The following SHISAL2A variants were observed in gnomAD, a reference collection of about 807,000 sequenced individuals.
SHISAL2A encodes shisa like 2A.
Under a neutral mutation model 11.5 loss-of-function variants are expected in SHISAL2A, and 18 were observed. The observed-to-expected ratio is 1.57, with a 90% CI of 1.08 to 2.33. The LOEUF is 2.33. Among genes scored for constraint, SHISAL2A ranks in the 30% most tolerant of loss-of-function variants. The pLI, the probability that SHISAL2A is intolerant of heterozygous loss-of-function variation, is 0.00. For synonymous variants in SHISAL2A, 94 were observed against 99.6 expected (o/e 0.94, Z 0.34); for missense variants, 261 against 250.9 (o/e 1.04, Z -0.27).
chr1:52,662,598 A>C (rs1469992939), intron 4 of SHISAL2A, among the ~76,000 whole-genome samples: 1 of 149,164 alleles, frequency 6.7e-6, no homozygotes, highest in African/African-American at 2.5e-5. Flanking sequence ...TGATCTGCCC[A>C]CTTAGGCCTC....
chr1:52,648,642 C>G (rs1318756939), intron 2 of SHISAL2A, among the ~76,000 whole-genome samples: 1 of 152,140 alleles, frequency 6.6e-6, no homozygotes, highest in Non-Finnish European at 1.5e-5. Context: ...CTCATTATAA[C>G]CCAGTTTACA....
At chr1:52,662,947 G>A (rs765893514) in intron 4 of SHISAL2A, among the ~76,000 whole-genome samples, 3 of 152,322 alleles carry the variant, frequency 2.0e-5, no homozygotes, top group South Asian at 2.1e-4. Flanking sequence ...AGCACAGAGG[G>A]CTGCTGTCGT....
chr1:52,644,971 T>A (rs1191798166), intron 2 of SHISAL2A, among the ~76,000 whole-genome samples: 7 of 147,554 alleles, frequency 4.7e-5, no homozygotes, highest in Admixed American at 1.4e-4. Context: ...GAGCAGAAAT[T>A]GCGCCACTGC....
intron 2 of SHISAL2A, among the ~76,000 whole-genome samples, chr1:52,652,257 T>C (rs1691666571): frequency 6.6e-6 from 1 of 152,168 alleles, no homozygotes; most frequent in African/African-American, 2.4e-5. Context: ...GACATTTTTA[T>C]GAGAATCGAG....
intron 2 of SHISAL2A, among the ~76,000 whole-genome samples, chr1:52,655,452 C>CAAAAAAAAAAAAAAAAAAAAAAAAAAAAA (rs11346128): frequency 2.5e-5 from 1 of 40,130 alleles, no homozygotes; most frequent in Non-Finnish European, 4.5e-5. Flanking sequence ...CCTGTATCTA[C>CAAAAAAAAAAAAAAAAAAAAAAAAAAAAA]AAAAAAAAAA....
chr1:52,667,452 G>A, exon 5 of SHISAL2A: 1 of 952,780 alleles, frequency 1.0e-6, no homozygotes, highest in African/African-American at 1.8e-5. Flanking sequence ...CAAAGAGATT[G>A]ACTGCTGTGG....
chr1:52,647,165 A>G (rs144391226), intron 2 of SHISAL2A, among the ~76,000 whole-genome samples: 77 of 152,202 alleles, frequency 5.1e-4, no homozygotes, highest in African/African-American at 1.8e-3. Flanking sequence ...CATGAGTTTT[A>G]GGTTATAGTG....
upstream of SHISAL2A, among the ~76,000 whole-genome samples, chr1:52,633,003 C>G (rs557894062): frequency 6.6e-6 from 1 of 152,114 alleles, no homozygotes; most frequent in Non-Finnish European, 1.5e-5. This position sits in a 1 kb window ranked among gnomAD's most constrained non-coding sequence, Gnocchi z 6.4. Flanking sequence ...GCCCCAGCCC[C>G]GAATGCCCCG....
At chr1:52,665,940 G>T (rs572837859) in intron 4 of SHISAL2A, among the ~76,000 whole-genome samples, 1 of 152,194 alleles carries the variant, frequency 6.6e-6, no homozygotes, top group Admixed American at 6.5e-5. Context: ...GAGCTCACAT[G>T]TGTGAACATG....
At chr1:52,668,194 T>C (rs269319) in intron 5 of SHISAL2A, among the ~76,000 whole-genome samples, 45,840 of 152,126 alleles carry the variant, frequency 0.3, 7,367 homozygotes, top group Non-Finnish European at 0.36. Context: ...TGCAACATAC[T>C]TCAATTTGTG....
At chr1:52,668,929 C>A (rs1692061022) in exon 6 of SHISAL2A, 1 of 152,206 alleles carries the variant, frequency 6.6e-6, no homozygotes, top group Non-Finnish European at 1.5e-5. Context: ...GTCAGGCTAC[C>A]CTGACTAAGC....
chr1:52,645,352 C>T (rs957605449), intron 2 of SHISAL2A, among the ~76,000 whole-genome samples: 5 of 139,428 alleles, frequency 3.6e-5, no homozygotes, highest in African/African-American at 1.3e-4. Context: ...AACGTCTGCA[C>T]ATAGAACCAG....
At chr1:52,642,293 A>C (rs1691383514) in intron 1 of SHISAL2A, among the ~76,000 whole-genome samples, 1 of 152,166 alleles carries the variant, frequency 6.6e-6, no homozygotes, top group East Asian at 1.9e-4. Flanking sequence ...GAGCGGGGTC[A>C]GGTATGAGTC....
At chr1:52,667,464 G>A (rs1483751042) in exon 5 of SHISAL2A, 6 of 892,984 alleles carry the variant, frequency 6.7e-6, no homozygotes, top group Non-Finnish European at 8.0e-6. Context: ...CTGCTGTGGA[G>A]ACAGATCATC....
At chr1:52,643,837 A>C (rs957746350) in intron 2 of SHISAL2A, among the ~76,000 whole-genome samples, 2 of 143,974 alleles carry the variant, frequency 1.4e-5, no homozygotes, top group African/African-American at 5.0e-5. Flanking sequence ...TGGGCGACAG[A>C]GTGAGACTGT....
downstream of SHISAL2A, among the ~76,000 whole-genome samples, chr1:52,658,519 C>T (rs1691843076): frequency 6.6e-6 from 1 of 152,146 alleles, no homozygotes; most frequent in African/African-American, 2.4e-5. Context: ...GTGCCTCAGT[C>T]CTCTCATCTA....
chr1:52,660,495 T>C (rs1691883038), downstream of SHISAL2A, among the ~76,000 whole-genome samples: 1 of 152,094 alleles, frequency 6.6e-6, no homozygotes. Flanking sequence ...CAGACAGAAA[T>C]AGTCTGAGCT....
At chr1:52,637,229 A>C (rs1691256369) in intron 1 of SHISAL2A, among the ~76,000 whole-genome samples, 1 of 152,186 alleles carries the variant, frequency 6.6e-6, no homozygotes, top group Admixed American at 6.5e-5. Context: ...CATAAATACC[A>C]CAGACAATTG....
chr1:52,657,376 T>A (rs2149891987), downstream of SHISAL2A, among the ~76,000 whole-genome samples: 1 of 152,264 alleles, frequency 6.6e-6, no homozygotes, highest in South Asian at 2.1e-4. Flanking sequence ...TAGGAGCCCC[T>A]GAGAAGATGA....
Sources: gnomAD v4.1 joint callset for allele counts (sites outside exome capture counted in the v4.1 genomes callset) on GRCh38, gnomAD v4.1.1 for gene constraint, Gnocchi (gnomAD v3.1) non-coding constraint, MANE v1.5 for transcripts, NCBI Gene and HGNC (gene_info 2026-07-23, HGNC 2026-07-21) for gene names.